The following TGFBR2 variants were observed in gnomAD, a reference collection of about 807,000 sequenced individuals.
TGFBR2 encodes the protein transforming growth factor beta receptor 2, also known as TGF-beta receptor type-2.
TGFBR2 carries 18 observed loss-of-function variants against 49.0 expected under a neutral mutation model. The ratio of observed to expected loss-of-function variants is 0.37; its 90% CI spans 0.25 to 0.54. TGFBR2 has a LOEUF of 0.54. TGFBR2 is among the 20% of genes least tolerant of loss of function. TGFBR2 has a pLI of 0.85. For synonymous variants in TGFBR2, 282 were observed against 275.9 expected, an observed-to-expected ratio of 1.02 and a Z score of -0.22; for missense variants, 525 against 722.6, an observed-to-expected ratio of 0.73 and a Z score of 3.13.
chr3:30,607,066 C>A, intron 1 of TGFBR2, 89 bp downstream of exon 1: 1 of 1,163,500 alleles, frequency 8.6e-7, no homozygotes, highest in Non-Finnish European at 1.2e-6. Context: ...TCGGGCCCGG[C>A]AACCCGGCCC....
At position 30,672,535 on chromosome 3, in the gene TGFBR2, A is replaced by G. The variant is rs11466513; in HGVS notation, c.1254+98A>G. On this transcript the variant is annotated intron_variant, in intron 4 of 6. Transcript: ENST00000295754. This position sits in a 1 kb window ranked among gnomAD's most constrained non-coding sequence, Gnocchi z 4.5. ...TGGCTCTTATCTCAAACAGCCCTGT[A>G]CTCTGGACACTGGTCTAGGGAATCT... The G allele has an allele frequency of 1.2e-3, 1,522 of 1,299,698 alleles. 18 individuals are homozygous for G. In the African/African-American group the frequency reaches 0.02, roughly 17 times the overall value. 80.5% of individuals were successfully genotyped at this position (1,299,698 alleles called of 1,614,324 possible). A position where few individuals can be genotyped will look rare whatever the true frequency, so the allele number is the denominator to read the frequency against.
At chr3:30,622,740 AGTG>A (rs1269469613) in intron 1 of TGFBR2, among the ~76,000 whole-genome samples, 1 of 151,674 alleles carries the variant, frequency 6.6e-6, no homozygotes, top group African/African-American at 2.4e-5. Flanking sequence ...ATTAGCTAGG[AGTG>A]GTGGGACACG....
chr3:30,680,421 AAGTATTTATTG>A, intron 5 of TGFBR2, among the ~76,000 whole-genome samples: 1 of 152,332 alleles, frequency 6.6e-6, no homozygotes, highest in Non-Finnish European at 1.5e-5. Flanking sequence ...TTCACTCAAA[AAGTATTTATTG>A]AGTACCTATT....
rs374708133 is a variant in TGFBR2, at chr3:30,672,034, A to G, written c.851A>G (p.Tyr284Cys). ...VAVKIFPYEE[Y>C]ASWKTEKDIF... Reference sequence around the variant, plus strand: ...GTCAAGATCTTTCCCTATGAGGAGTATGCCTCTTGGAAGACAGAGAAGGAC... The same window carrying G: ...GTCAAGATCTTTCCCTATGAGGAGTGTGCCTCTTGGAAGACAGAGAAGGAC... Residue 284 changes from tyrosine to cysteine, a missense_variant, in exon 4 of 7, where the codon TAT becomes TGT. Transcript: ENST00000295754. The surrounding 1 kb of genome is among the most constrained non-coding windows in gnomAD (Gnocchi z 4.5). 3 of 1,614,236 alleles carry G rather than the reference A, an allele frequency of 1.9e-6. No homozygotes were observed. Among genetic ancestry groups the G allele is most frequent in the Middle Eastern group, 1.6e-4 (1 of 6,062 alleles).
intron 1 of TGFBR2, chr3:30,623,242 C>T (rs1237118370): frequency 1.9e-6 from 3 of 1,612,810 alleles, no homozygotes; most frequent in South Asian, 1.1e-5. Flanking sequence ...TCTGCCCCAG[C>T]TGTAATAGGA....
intron 3 of TGFBR2, among the ~76,000 whole-genome samples, chr3:30,662,565 A>G (rs544915879): frequency 6.6e-6 from 1 of 152,260 alleles, no homozygotes; most frequent in Admixed American, 6.5e-5. Context: ...AAACAGTGCT[A>G]TCAATAGCTA....
intron 3 of TGFBR2, among the ~76,000 whole-genome samples, chr3:30,663,967 G>T (rs1247549052): frequency 1.9e-5 from 2 of 107,548 alleles, no homozygotes; most frequent in Non-Finnish European, 4.0e-5. Flanking sequence ...GGAAGAGAGG[G>T]CTAACTTTTT....
At chr3:30,640,134 C>A (rs1698617493) in intron 1 of TGFBR2, among the ~76,000 whole-genome samples, 1 of 152,152 alleles carries the variant, frequency 6.6e-6, no homozygotes, top group East Asian at 1.9e-4. Context: ...GTGGTATGAC[C>A]TAGAGTGAAG....
At chr3:30,640,292 C>T (rs768408044) in intron 1 of TGFBR2, among the ~76,000 whole-genome samples, 2 of 152,066 alleles carry the variant, frequency 1.3e-5, no homozygotes, top group Non-Finnish European at 2.9e-5. Flanking sequence ...GAACTTCTTT[C>T]TGGAGAACTT....
intron 6 of TGFBR2, among the ~76,000 whole-genome samples, chr3:30,689,657 G>A (rs1481583116): frequency 6.6e-6 from 1 of 152,198 alleles, no homozygotes; most frequent in African/African-American, 2.4e-5. Flanking sequence ...GGCTTCTCTG[G>A]AGTTTTGAGC....
intron 1 of TGFBR2, among the ~76,000 whole-genome samples, chr3:30,643,444 G>T (rs1698678454): frequency 6.6e-6 from 1 of 152,164 alleles, no homozygotes; most frequent in Non-Finnish European, 1.5e-5. Flanking sequence ...ATGGGGAATG[G>T]GGTGTTACAC....
intron 6 of TGFBR2, among the ~76,000 whole-genome samples, chr3:30,689,730 T>C (rs1035539983): frequency 4.6e-5 from 7 of 152,244 alleles, no homozygotes; most frequent in African/African-American, 9.6e-5. Context: ...CAGAATGTGC[T>C]GGAGTGTTAT....
At chr3:30,616,826 G>T (rs748188435) in intron 1 of TGFBR2, among the ~76,000 whole-genome samples, 2 of 151,964 alleles carry the variant, frequency 1.3e-5, no homozygotes, top group Non-Finnish European at 2.9e-5. Context: ...GAAAATTTCC[G>T]ACTACAGGTG....
chr3:30,666,706 A>C (rs1313126642), intron 3 of TGFBR2, among the ~76,000 whole-genome samples: 1 of 144,072 alleles, frequency 6.9e-6, no homozygotes, highest in African/African-American at 2.6e-5. Context: ...GCAGGATCAT[A>C]GTGTGCTGCC....
intron 1 of TGFBR2, among the ~76,000 whole-genome samples, chr3:30,611,573 C>G: frequency 6.6e-6 from 1 of 150,636 alleles, no homozygotes; most frequent in East Asian, 2.0e-4. Flanking sequence ...CCAGTAGATA[C>G]TGATTCCTCT....
Position 30,650,327 on chromosome 3 carries a change from C to G in TGFBR2, c.321C>G (p.Pro107=), listed in dbSNP as rs1698856436. The part of the protein sequence containing the change: ...LETVCHDPKL[P]YHDFILEDAA... ...CAGTTTGCCATGACCCCAAGCTCCCCTACCATGACTTTATTCTGGAAGATG... is the reference window on the plus strand; with the variant it reads ...CAGTTTGCCATGACCCCAAGCTCCCGTACCATGACTTTATTCTGGAAGATG... Residue 107 remains proline (P), a synonymous_variant, in exon 3 of 7, where the codon CCC becomes CCG. Coordinates refer to ENST00000295754, the MANE Select transcript of TGFBR2 (RefSeq NM_003242.6). 6.2e-7 allele frequency: 1 copy of G among 1,613,934 alleles called. No individual in the cohort carries two copies. The highest frequency in any genetic ancestry group is 8.5e-7 in the Non-Finnish European group (1 of 1,179,978).
At chr3:30,664,914 TC>T (rs1227677104) in intron 3 of TGFBR2, among the ~76,000 whole-genome samples, 2 of 152,270 alleles carry the variant, frequency 1.3e-5, no homozygotes, top group African/African-American at 4.8e-5. Context: ...GGAGATAGGC[TC>T]CTACTTTAAT....
intron 2 of TGFBR2, among the ~76,000 whole-genome samples, chr3:30,648,731 C>A (rs2125408343): frequency 6.6e-6 from 1 of 152,098 alleles, no homozygotes; most frequent in South Asian, 2.1e-4. Context: ...GTTTAAGAAC[C>A]CTTGAGCCCC....
chr3:30,681,441 A>T (rs1699539000), intron 5 of TGFBR2, among the ~76,000 whole-genome samples: 1 of 152,156 alleles, frequency 6.6e-6, no homozygotes, highest in Admixed American at 6.5e-5. Flanking sequence ...CTTTCCGAGG[A>T]ATACCATTGC....
Sources: gnomAD v4.1 joint callset for allele counts (sites outside exome capture counted in the v4.1 genomes callset) on GRCh38, gnomAD v4.1.1 for gene constraint, Gnocchi (gnomAD v3.1) non-coding constraint, MANE v1.5 for transcripts, NCBI Gene and HGNC (gene_info 2026-07-23, HGNC 2026-07-21) for gene names.